NRL: variants seen among roughly 807,000 people sequenced by gnomAD.
The protein encoded by NRL is neural retina-specific leucine zipper protein.
NRL carries 16 observed loss-of-function variants against 12.5 expected under a neutral mutation model. The ratio of observed to expected loss-of-function variants is 1.28; its 90% CI spans 0.87 to 1.95. The LOEUF (loss-of-function observed/expected upper bound fraction) is 1.95. Ranked by LOEUF, NRL falls within the 30% of genes most tolerant of loss-of-function variation. NRL has a pLI of 0.00. For synonymous variants in NRL, 142 were observed against 150.9 expected (o/e 0.94, Z 0.43); for missense variants, 314 against 325.8 (o/e 0.96, Z 0.28).
At chr14:24,114,591 C>T (rs1030014860) in intron 1 of NRL, 131 bp downstream of exon 1, 2 of 790,160 alleles carry the variant, frequency 2.5e-6, no homozygotes, top group South Asian at 5.7e-5. Flanking sequence ...TCAGCCGTTA[C>T]GCCTAGTTCG....
chr14:24,090,228 C>T (rs1413476089), intron 1 of NRL, among the ~76,000 whole-genome samples: 1 of 128,528 alleles, frequency 7.8e-6, no homozygotes, highest in Non-Finnish European at 1.5e-5. Flanking sequence ...ACTGGAAGCA[C>T]ACTCTGAGAC....
At chr14:24,114,247 G>A (rs2037482494) in intron 1 of NRL, 1 of 152,294 alleles carries the variant, frequency 6.6e-6, no homozygotes, top group Non-Finnish European at 1.5e-5. Context: ...GAAAGCCAGG[G>A]ATTGTCTTAA....
At chr14:24,088,057 C>G (rs940180795) in intron 1 of NRL, among the ~76,000 whole-genome samples, 1 of 152,088 alleles carries the variant, frequency 6.6e-6, no homozygotes, top group African/African-American at 2.4e-5. Flanking sequence ...AATTATTGTC[C>G]TTAGGCCCAG....
chr14:24,096,896 A>C, intron 1 of NRL: 1 of 1,612,760 alleles, frequency 6.2e-7, no homozygotes, highest in Non-Finnish European at 8.5e-7. Flanking sequence ...CTATAGGCTT[A>C]ACTGGCATGG....
intron 1 of NRL, chr14:24,102,577 C>T (rs757026173): frequency 1.6e-6 from 1 of 616,612 alleles, no homozygotes; most frequent in Non-Finnish European, 2.9e-6. Flanking sequence ...GGCTAAACAA[C>T]CTGAGCTCTT....
chr14:24,088,803 A>ATTTTTT (rs756699961), intron 1 of NRL, among the ~76,000 whole-genome samples: 1 of 106,430 alleles, frequency 9.4e-6, no homozygotes, highest in Non-Finnish European at 1.9e-5. Flanking sequence ...TGCCTGGCTA[A>ATTTTTT]TTTTTTTTTT....
At chr14:24,083,003 G>T in intron 1 of NRL, 128 bp from the exon 2 acceptor site, 2 of 877,692 alleles carry the variant, frequency 2.3e-6, no homozygotes, top group Non-Finnish European at 1.7e-6. Flanking sequence ...GGATGGTGCA[G>T]CTCTGTTCAC....
intron 1 of NRL, chr14:24,100,197 C>A: frequency 1.2e-6 from 2 of 1,614,200 alleles, no homozygotes; most frequent in Non-Finnish European, 1.7e-6. Context: ...CCTGGCTGGG[C>A]AAACCCTGGA....
chr14:24,081,688 G>T lies in NRL; in HGVS notation c.382-120C>A. 1 of 1,527,498 alleles carries T rather than the reference G, an allele frequency of 6.5e-7. No homozygotes were observed. The highest frequency in any genetic ancestry group is 8.8e-7 in the Non-Finnish European group (1 of 1,139,542). The allele number at this position is 1,527,498 out of a possible 1,614,324, so 94.6% of individuals were successfully genotyped here. A position where few individuals can be genotyped will look rare whatever the true frequency, so the allele number is the denominator to read the frequency against. ...CCCGCCCCGGCTCCCACCTTCACCG[G>T]AAGGCTCGCCCTTCCACGCAGTCTG... On this transcript the variant is annotated intron_variant, in intron 2 of 2. Coordinates refer to ENST00000561028, the MANE Select transcript of NRL (RefSeq NM_001354768.3). This position sits in a 1 kb window ranked among gnomAD's most constrained non-coding sequence, Gnocchi z 4.4.
intron 1 of NRL, chr14:24,114,323 G>A (rs1268233838): frequency 6.6e-6 from 1 of 152,316 alleles, no homozygotes; most frequent in African/African-American, 2.4e-5. Flanking sequence ...GCTTCCAAAA[G>A]CTAAGCCCGG....
intron 1 of NRL, chr14:24,110,263 C>G (rs1269048635): frequency 3.3e-6 from 1 of 301,738 alleles, no homozygotes. Context: ...ACTACAGGCC[C>G]AGCTCAATTT....
chr14:24,089,792 G>T (rs946470502), intron 1 of NRL, among the ~76,000 whole-genome samples: 1 of 152,208 alleles, frequency 6.6e-6, no homozygotes, highest in African/African-American at 2.4e-5. Context: ...AGACTGGTCA[G>T]GTGAATAAGA....
chr14:24,096,943 C>T (rs1436119100), intron 1 of NRL: 1 of 1,613,532 alleles, frequency 6.2e-7, no homozygotes, highest in African/African-American at 1.3e-5. Context: ...GCCGTAGCAT[C>T]CAGACCCTGC....
chr14:24,108,627 G>A (rs111782189), intron 1 of NRL, among the ~76,000 whole-genome samples: 5,506 of 151,744 alleles, frequency 0.036, 118 homozygotes, highest in Middle Eastern at 0.048. Flanking sequence ...CCACTACCCC[G>A]GGCCACTAAA....
chr14:24,082,439 C>T, intron 2 of NRL, 29 bp downstream of exon 2: 1 of 1,611,662 alleles, frequency 6.2e-7, no homozygotes, highest in Non-Finnish European at 8.5e-7. Context: ...TGCCCTGCCT[C>T]CCCTCAGGCC....
chr14:24,100,226 G>A, intron 1 of NRL: 1 of 1,613,918 alleles, frequency 6.2e-7, no homozygotes, highest in East Asian at 2.2e-5. Context: ...ATGTGCGGTG[G>A]GGAAGGTGTG....
intron 1 of NRL, 84 bp from the exon 2 acceptor site, chr14:24,082,959 A>G (rs2036366913): frequency 1.5e-6 from 2 of 1,337,214 alleles, no homozygotes; most frequent in Admixed American, 4.7e-5. Context: ...TCAAAGCCCA[A>G]GTGCCCTGGA....
At chr14:24,109,760 C>T (rs552910743) in intron 1 of NRL, among the ~76,000 whole-genome samples, 291 of 151,278 alleles carry the variant, frequency 1.9e-3, no homozygotes, top group African/African-American at 6.9e-3. Flanking sequence ...AGTGATTAAT[C>T]TTATATTCTT....
chr14:24,094,353 C>G lies in NRL; in HGVS notation c.-27-11478G>C. The stretch of plus-strand genomic sequence containing the variant: ...GCTCCCTCCTTCCCCGCCTTCCATA[C>G]CTCCCCGGCTCCGCTCGGTTCCTGG... On this transcript the variant is annotated intron_variant, in intron 1 of 2. Transcript: ENST00000561028. This position sits in a 1 kb window ranked among gnomAD's most constrained non-coding sequence, Gnocchi z 4.1. The G allele has an allele frequency of 2.0e-6, 3 of 1,504,940 alleles. No homozygotes were observed. Among genetic ancestry groups the G allele is most frequent in the Non-Finnish European group, 1.8e-6 (2 of 1,117,618 alleles). The allele number at this position is 1,504,940 out of a possible 1,614,324, so 93.2% of individuals were successfully genotyped here. A position where few individuals can be genotyped will look rare whatever the true frequency, so the allele number is the denominator to read the frequency against.
Sources: gnomAD v4.1 joint callset for allele counts (sites outside exome capture counted in the v4.1 genomes callset) on GRCh38, gnomAD v4.1.1 for gene constraint, Gnocchi (gnomAD v3.1) non-coding constraint, MANE v1.5 for transcripts, NCBI Gene and HGNC (gene_info 2026-07-23, HGNC 2026-07-21) for gene names.